NEBL: variants seen among roughly 807,000 people sequenced by gnomAD.
NEBL encodes LIM and SH3 protein 2.
NEBL carries 122 observed loss-of-function variants against 140.2 expected under a neutral mutation model. The observed-to-expected ratio is 0.87, with a 90% CI of 0.75 to 1.01. NEBL has a LOEUF of 1.01. Ranked by LOEUF, NEBL falls within the 50% of genes least tolerant of loss-of-function variation. The probability of loss-of-function intolerance (pLI) is 0.00; values close to 1 mark genes in which losing one functional copy is unlikely to be tolerated. For synonymous variants in NEBL, 436 were observed against 398.9 expected (o/e 1.09, Z -1.11); for missense variants, 1,365 against 1,231.3 (o/e 1.11, Z -1.62).
chr10:21,081,896 A>G (rs1368895918), intron 2 of NEBL, among the ~76,000 whole-genome samples: 1 of 152,246 alleles, frequency 6.6e-6, no homozygotes. Context: ...CATTGAATAA[A>G]ATATGAAATT....
At chr10:21,269,163 G>A (rs1842832455) in intron 1 of NEBL, among the ~76,000 whole-genome samples, 1 of 152,198 alleles carries the variant, frequency 6.6e-6, no homozygotes, top group African/African-American at 2.4e-5. Flanking sequence ...GGCTTTCCAT[G>A]AGGGCATTCC....
At chr10:21,146,594 C>T in intron 2 of NEBL, 3 of 979,516 alleles carry the variant, frequency 3.1e-6, no homozygotes, top group South Asian at 3.2e-5. Flanking sequence ...ATTACAGAAG[C>T]TCTTAGCAAC....
At chr10:21,010,563 T>A (rs1838299074) in intron 3 of NEBL, among the ~76,000 whole-genome samples, 1 of 151,870 alleles carries the variant, frequency 6.6e-6, no homozygotes. Context: ...CAAGACCAAC[T>A]TTTGAAGTTC....
chr10:21,076,288 CA>C (rs1325560328), intron 2 of NEBL, among the ~76,000 whole-genome samples: 2 of 151,020 alleles, frequency 1.3e-5, no homozygotes, highest in Non-Finnish European at 1.5e-5. Flanking sequence ...ACTAAAAATA[CA>C]AAAAAATTAG....
At chr10:20,796,392 A>AC (rs1353808041) in intron 26 of NEBL, among the ~76,000 whole-genome samples, 32 of 149,136 alleles carry the variant, frequency 2.1e-4, no homozygotes, top group Non-Finnish European at 4.6e-4. Flanking sequence ...AAAAAAAAAA[A>AC]AACTTCTCTA....
chr10:20,807,597 C>T (rs1048112069), intron 26 of NEBL, among the ~76,000 whole-genome samples: 4 of 152,254 alleles, frequency 2.6e-5, no homozygotes, highest in South Asian at 2.1e-4. Context: ...TACAATCTTT[C>T]GCAGCTTGGT....
chr10:21,116,434 A>G (rs1838287655), intron 2 of NEBL, among the ~76,000 whole-genome samples: 1 of 152,110 alleles, frequency 6.6e-6, no homozygotes, highest in Non-Finnish European at 1.5e-5. Flanking sequence ...CTCTCATAAC[A>G]TCACCTGACA....
chr10:21,085,650 A>AAATTAT (rs1836589508), intron 2 of NEBL, among the ~76,000 whole-genome samples: 1 of 152,208 alleles, frequency 6.6e-6, no homozygotes, highest in Non-Finnish European at 1.5e-5. Context: ...ATTAAAATTA[A>AAATTAT]AATTAGAAAT....
intron 3 of NEBL, among the ~76,000 whole-genome samples, chr10:20,987,638 C>T (rs1837307521): frequency 6.6e-6 from 1 of 152,124 alleles, no homozygotes; most frequent in African/African-American, 2.4e-5. Flanking sequence ...GCATCTCAGT[C>T]TATACTAGGA....
chr10:21,096,399 A>G lies in NEBL; in HGVS notation c.164+75984T>C, dbSNP rs1837185959. On this transcript the variant is annotated intron_variant, in intron 2 of 6. Transcript: ENST00000417816. ...AGGCTAGTATCTTAGATTAGCCTGA[A>G]GAAGTTGTTTAAAAGCCCTTTTATT... Among the ~76,000 whole-genome samples, 5 of 152,210 alleles carry G rather than the reference A, an allele frequency of 3.3e-5. No homozygotes were observed. The South Asian group carries it at 1.0e-3, about 32-fold the overall frequency.
At position 21,204,664 on chromosome 10, in the gene NEBL, T is replaced by C. The variant is rs114098352; in HGVS notation, n.349-32187A>G. On this transcript the variant is annotated intron_variant and non_coding_transcript_variant, in intron 3 of 8. Coordinates refer to the NEBL transcript ENST00000675702. ...TGTTAAGGAAGCCCTAGCAGAGGAA[T>C]ACATCCTGTGATTCTCTTTTGTCCT... is the stretch of plus-strand genomic sequence containing the variant. Among the ~76,000 whole-genome samples the C allele has an allele frequency of 4.1e-3, 628 of 152,284 alleles. 9 individuals are homozygous for C. Among genetic ancestry groups the C allele is most frequent in the African/African-American group, 0.014 (583 of 41,556 alleles).
chr10:21,248,755 G>A (rs189051943), intron 2 of NEBL, among the ~76,000 whole-genome samples: 40 of 152,150 alleles, frequency 2.6e-4, no homozygotes, highest in Non-Finnish European at 5.6e-4. Context: ...CATTTTCCAT[G>A]GCGGCTGCAC....
chr10:21,177,010 T>C (rs1185921934), upstream of NEBL, among the ~76,000 whole-genome samples: 1 of 152,224 alleles, frequency 6.6e-6, no homozygotes, highest in Non-Finnish European at 1.5e-5. Context: ...CTTTGACTAA[T>C]ACCAGTTTGG....
Position 20,868,763 on chromosome 10 carries a change from T to C in NEBL, c.585A>G (p.Ala195=), listed in dbSNP as rs1159103842. ...ATQISKIISN[A]EYKKGQGIMN... is the part of the protein sequence containing the mutation. The stretch of plus-strand genomic sequence containing the variant: ...TTATTCCTTGTCCTTTCTTGTATTC[T>C]GCCTAAAATGAATAAATAAGACAAT... The change falls in exon 7 of 28, where the codon GCA becomes GCG. Residue 195 remains alanine (A), a splice_region_variant and synonymous_variant. Coordinates refer to ENST00000377122, the MANE Select transcript of NEBL (RefSeq NM_006393.3). The C allele has an allele frequency of 1.9e-6, 3 of 1,588,236 alleles. No homozygotes were observed. Among genetic ancestry groups the C allele is most frequent in the Non-Finnish European group, 2.6e-6 (3 of 1,156,810 alleles).
chr10:21,149,699 T>G (rs1270719087), intron 2 of NEBL, among the ~76,000 whole-genome samples: 2 of 152,214 alleles, frequency 1.3e-5, no homozygotes, highest in Non-Finnish European at 2.9e-5. Flanking sequence ...GGAACCCTGA[T>G]TAATAGCCCG....
At chr10:21,159,477 C>T (rs1840467474) in intron 2 of NEBL, among the ~76,000 whole-genome samples, 1 of 152,198 alleles carries the variant, frequency 6.6e-6, no homozygotes, top group Non-Finnish European at 1.5e-5. Flanking sequence ...TTCTAAAGTC[C>T]TCACAACTGC....
intron 3 of NEBL, among the ~76,000 whole-genome samples, chr10:20,980,639 T>C (rs939362730): frequency 5.9e-5 from 9 of 152,174 alleles, no homozygotes; most frequent in Non-Finnish European, 1.0e-4. Context: ...AGAGCCTCTA[T>C]ACCTCAAGAC....
intron 3 of NEBL, among the ~76,000 whole-genome samples, chr10:20,982,828 GAT>G (rs1364506947): frequency 1.3e-5 from 2 of 152,104 alleles, no homozygotes; most frequent in African/African-American, 4.8e-5. Flanking sequence ...AGGGATAAAA[GAT>G]AATTTCTGAT....
chr10:21,217,486 T>C (rs1327673860), intron 3 of NEBL, among the ~76,000 whole-genome samples: 1 of 129,376 alleles, frequency 7.7e-6, no homozygotes, highest in Non-Finnish European at 1.5e-5. Flanking sequence ...CAGCAAGTTC[T>C]AAATACGACT....
Sources: gnomAD v4.1 joint callset for allele counts (sites outside exome capture counted in the v4.1 genomes callset) on GRCh38, gnomAD v4.1.1 for gene constraint, MANE v1.5 for transcripts, NCBI Gene and HGNC (gene_info 2026-07-23, HGNC 2026-07-21) for gene names.